WASF1: variants seen among roughly 807,000 people sequenced by gnomAD.
WASF1 encodes actin-binding protein WASF1.
WASF1 carries 7 observed loss-of-function variants against 50.5 expected under a neutral mutation model. That is an observed-to-expected ratio of 0.14 (90% confidence interval 0.08 to 0.26). The LOEUF (loss-of-function observed/expected upper bound fraction) is 0.26, where lower values mean the gene tolerates loss of function less well. Among genes scored for constraint, WASF1 ranks in the 10% least tolerant of loss-of-function variants. The pLI, the probability that WASF1 is intolerant of heterozygous loss-of-function variation, is 1.00. For missense variants in WASF1, 470 were observed against 694.7 expected (o/e 0.68, Z 3.64); for synonymous variants, 205 against 244.0 (o/e 0.84, Z 1.49).
chr6:110,139,774 T>A (rs1018555109), intron 3 of WASF1, among the ~76,000 whole-genome samples: 1 of 152,186 alleles, frequency 6.6e-6, no homozygotes, highest in South Asian at 2.1e-4. Flanking sequence ...CCACAAATAG[T>A]ACTGAGCCTA....
intron 4 of WASF1, among the ~76,000 whole-genome samples, chr6:110,118,006 G>A (rs1773888988): frequency 2.6e-5 from 4 of 152,094 alleles, no homozygotes; most frequent in Admixed American, 2.6e-4. Context: ...AAGAACTCCT[G>A]AAGGAAGCAC....
intron 3 of WASF1, among the ~76,000 whole-genome samples, chr6:110,139,277 G>C (rs147759306): frequency 6.6e-6 from 1 of 152,326 alleles, no homozygotes; most frequent in Non-Finnish European, 1.5e-5. Flanking sequence ...CCAAGAGCAC[G>C]GGGATGGCCA....
intron 2 of WASF1, among the ~76,000 whole-genome samples, chr6:110,168,317 T>G (rs1450650884): frequency 6.6e-6 from 1 of 152,088 alleles, no homozygotes; most frequent in African/African-American, 2.4e-5. Context: ...AATTTACATT[T>G]TATTTTTAAT....
chr6:110,147,688 ACTACTG>A (rs1775635784), intron 3 of WASF1, among the ~76,000 whole-genome samples: 1 of 152,172 alleles, frequency 6.6e-6, no homozygotes, highest in Non-Finnish European at 1.5e-5. Context: ...TAATATAACC[ACTACTG>A]AAACTTACTT....
chr6:110,117,913 A>C (rs562805660), intron 4 of WASF1, among the ~76,000 whole-genome samples: 2 of 152,302 alleles, frequency 1.3e-5, no homozygotes, highest in South Asian at 4.1e-4. Context: ...CAGCCAAACT[A>C]AGCTTCATAA....
At chr6:110,131,726 C>T (rs1774680098) in intron 3 of WASF1, among the ~76,000 whole-genome samples, 1 of 152,164 alleles carries the variant, frequency 6.6e-6, no homozygotes, top group African/African-American at 2.4e-5. Flanking sequence ...TGGTCTCAAA[C>T]TCCTCAGCTC....
chr6:110,113,925 A>C (rs972809107), intron 4 of WASF1, among the ~76,000 whole-genome samples: 3 of 152,222 alleles, frequency 2.0e-5, no homozygotes, highest in Non-Finnish European at 2.9e-5. Flanking sequence ...AAAAACATAC[A>C]TAGTGCCATT....
At chr6:110,160,809 T>G (rs1776231737) in intron 2 of WASF1, 77 bp from the exon 3 acceptor site, 1 of 151,692 alleles carries the variant, frequency 6.6e-6, no homozygotes, top group African/African-American at 2.4e-5. Context: ...ACCTACCTTT[T>G]TCTTTGAATA....
At chr6:110,170,890 A>G (rs1052229835) in intron 2 of WASF1, among the ~76,000 whole-genome samples, 5 of 152,162 alleles carry the variant, frequency 3.3e-5, no homozygotes, top group Non-Finnish European at 7.4e-5. Context: ...AAATTCTCCA[A>G]GACCTAATGA....
chr6:110,173,183 G>A (rs758300333), intron 2 of WASF1, among the ~76,000 whole-genome samples: 1 of 152,032 alleles, frequency 6.6e-6, no homozygotes, highest in African/African-American at 2.4e-5. Context: ...GTTATTCCAT[G>A]CCCTGACACA....
intron 8 of WASF1, among the ~76,000 whole-genome samples, chr6:110,104,649 C>T (rs761985537): frequency 6.6e-6 from 1 of 152,014 alleles, no homozygotes; most frequent in Non-Finnish European, 1.5e-5. Flanking sequence ...ATTAGCTGGG[C>T]GTGGTGGCGT....
chr6:110,164,245 A>T (rs1287097756), intron 2 of WASF1, among the ~76,000 whole-genome samples: 2 of 151,696 alleles, frequency 1.3e-5, no homozygotes, highest in Non-Finnish European at 3.0e-5. Flanking sequence ...CTGTTAAGAC[A>T]ATGTTGAGAG....
chr6:110,122,968 G>T (rs1245734326), intron 4 of WASF1, among the ~76,000 whole-genome samples: 1 of 152,006 alleles, frequency 6.6e-6, no homozygotes, highest in Non-Finnish European at 1.5e-5. Context: ...AAAAAAAAGA[G>T]ATACCCTGGG....
intron 3 of WASF1, among the ~76,000 whole-genome samples, chr6:110,144,683 G>T (rs201823837): frequency 0.073 from 11,054 of 152,094 alleles, 543 homozygotes; most frequent in African/African-American, 0.14. Flanking sequence ...TCTACATATG[G>T]CTAGCCAGTT....
chr6:110,163,023 T>A (rs1014205533), intron 2 of WASF1, among the ~76,000 whole-genome samples: 1 of 151,678 alleles, frequency 6.6e-6, no homozygotes, highest in African/African-American at 2.4e-5. Flanking sequence ...TTGGAACTAG[T>A]AAGCAATTAC....
At chr6:110,127,395 G>C in intron 4 of WASF1, 74 bp downstream of exon 4, 1 of 1,291,818 alleles carries the variant, frequency 7.7e-7, no homozygotes, top group Non-Finnish European at 1.0e-6. Flanking sequence ...AAATTAATCA[G>C]AAGCACAACT....
chr6:110,165,890 G>A (rs141212706), intron 2 of WASF1, among the ~76,000 whole-genome samples: 206 of 151,740 alleles, frequency 1.4e-3, no homozygotes, highest in African/African-American at 4.6e-3. Context: ...CTTAGTTCTC[G>A]TGCACCCTTC....
At chr6:110,175,865 T>G (rs987886844) in intron 2 of WASF1, among the ~76,000 whole-genome samples, 16 of 152,148 alleles carry the variant, frequency 1.1e-4, no homozygotes, top group African/African-American at 3.9e-4. Flanking sequence ...ATTTTTCCCA[T>G]AGAAAGACTG....
intron 3 of WASF1, among the ~76,000 whole-genome samples, chr6:110,145,724 G>A (rs1430029975): frequency 2.6e-5 from 4 of 152,150 alleles, no homozygotes; most frequent in Middle Eastern, 6.8e-3. Context: ...TAATCATGTG[G>A]TTTTTGTCTT....
Sources: gnomAD v4.1 joint callset for allele counts (sites outside exome capture counted in the v4.1 genomes callset) on GRCh38, gnomAD v4.1.1 for gene constraint, MANE v1.5 for transcripts, NCBI Gene and HGNC (gene_info 2026-07-23, HGNC 2026-07-21) for gene names.